LARGE1: variants seen among roughly 807,000 people sequenced by gnomAD.
The protein encoded by LARGE1 is LARGE xylosyl- and glucuronyltransferase 1, also known as xylosyl- and glucuronyltransferase LARGE1.
In LARGE1, 43 loss-of-function variants were observed where a neutral mutation model predicts 87.6. The ratio of observed to expected loss-of-function variants is 0.49; its 90% CI spans 0.38 to 0.63. The LOEUF (loss-of-function observed/expected upper bound fraction) is 0.63. Ranked by LOEUF, LARGE1 falls within the 30% of genes least tolerant of loss-of-function variation. LARGE1 has a pLI of 0.00. For synonymous variants in LARGE1, 434 were observed against 394.6 expected, an observed-to-expected ratio of 1.10 and a Z score of -1.18; for missense variants, 802 against 1,000.2, an observed-to-expected ratio of 0.80 and a Z score of 2.67.
intron 6 of LARGE1, among the ~76,000 whole-genome samples, chr22:33,483,751 AGGCAGGAAAGTGGGCCACT>A (rs1380724196): frequency 1.3e-5 from 2 of 152,180 alleles, no homozygotes; most frequent in African/African-American, 4.8e-5. Context: ...AAACTGATGG[AGGCAGGAAAGTGGGCCACT>A]GGCTTGTAGA....
At chr22:33,820,343 A>T (rs1485538035) in intron 1 of LARGE1, among the ~76,000 whole-genome samples, 1 of 152,056 alleles carries the variant, frequency 6.6e-6, no homozygotes, top group Non-Finnish European at 1.5e-5. Context: ...TTTTTTAGAG[A>T]CAGGGTCTCA....
chr22:33,875,087 A>G (rs1489790885), intron 1 of LARGE1, among the ~76,000 whole-genome samples: 1 of 152,168 alleles, frequency 6.6e-6, no homozygotes, highest in Non-Finnish European at 1.5e-5. Context: ...CTGCTCAACA[A>G]CTCACTCACT....
intron 9 of LARGE1, among the ~76,000 whole-genome samples, chr22:33,371,876 C>T (rs943624009): frequency 1.3e-5 from 2 of 151,214 alleles, no homozygotes; most frequent in East Asian, 1.9e-4. Flanking sequence ...CCCAGCTACT[C>T]GGGAGGCTGG....
chr22:33,911,057 T>C (rs984112732), intron 1 of LARGE1, among the ~76,000 whole-genome samples: 1 of 152,000 alleles, frequency 6.6e-6, no homozygotes, highest in African/African-American at 2.4e-5. Context: ...CCTCCCAGGG[T>C]TGCTGTGAGA....
intron 11 of LARGE1, among the ~76,000 whole-genome samples, chr22:33,250,149 G>T (rs1273649502): frequency 6.6e-6 from 1 of 152,120 alleles, no homozygotes; most frequent in African/African-American, 2.4e-5. Flanking sequence ...TGATAACATT[G>T]TCTTCCTATT....
At chr22:33,089,418 C>T in the LARGE1 span, among the ~76,000 whole-genome samples, 1 of 101,026 alleles carries the variant, frequency 9.9e-6, no homozygotes, top group South Asian at 3.2e-4. Context: ...TCTTCTACTT[C>T]TTCTTCCTCT....
chr22:33,747,004 G>A (rs1384884122), intron 2 of LARGE1, among the ~76,000 whole-genome samples: 1 of 152,160 alleles, frequency 6.6e-6, no homozygotes, highest in Non-Finnish European at 1.5e-5. Flanking sequence ...ATTCTGGGCT[G>A]TCTTGTTCAT....
intron 2 of LARGE1, among the ~76,000 whole-genome samples, chr22:33,748,206 A>ACT (rs964231751): frequency 2.2e-4 from 32 of 146,638 alleles, no homozygotes; most frequent in Middle Eastern, 7.1e-3. Flanking sequence ...ATCTCGGCTC[A>ACT]CTGCAATCTC....
At chr22:33,779,137 C>A (rs1307066378) in intron 1 of LARGE1, among the ~76,000 whole-genome samples, 1 of 152,182 alleles carries the variant, frequency 6.6e-6, no homozygotes, top group Non-Finnish European at 1.5e-5. Flanking sequence ...TTACCTAAAT[C>A]TCTTCGCTCT....
chr22:33,431,919 G>A (rs1474354854), intron 7 of LARGE1, among the ~76,000 whole-genome samples: 1 of 152,188 alleles, frequency 6.6e-6, no homozygotes, highest in Admixed American at 6.5e-5. Flanking sequence ...ATCTGGATTA[G>A]AGGTCAGGAG....
At chr22:33,087,403 T>C in the LARGE1 span, among the ~76,000 whole-genome samples, 4 of 152,118 alleles carry the variant, frequency 2.6e-5, no homozygotes, top group Non-Finnish European at 1.5e-5. Context: ...TGCATTGCTG[T>C]GTAGGAAAAA....
intron 7 of LARGE1, among the ~76,000 whole-genome samples, chr22:33,404,533 A>T (rs1044865785): frequency 6.6e-6 from 1 of 152,174 alleles, no homozygotes. Flanking sequence ...TGCTCCCACA[A>T]ACGAGCCTAT....
intron 6 of LARGE1, among the ~76,000 whole-genome samples, chr22:33,525,062 T>G (rs1336178945): frequency 6.6e-6 from 1 of 152,166 alleles, no homozygotes; most frequent in Non-Finnish European, 1.5e-5. Context: ...TTTAGCATCT[T>G]TCCATCAGGC....
intron 5 of LARGE1, among the ~76,000 whole-genome samples, chr22:33,593,040 C>T (rs762278366): frequency 2.0e-5 from 3 of 152,286 alleles, no homozygotes; most frequent in East Asian, 1.9e-4. Context: ...GGGGTTTCAC[C>T]GTGTTAGCCA....
chr22:33,689,056 A>T (rs2082021934), intron 2 of LARGE1, among the ~76,000 whole-genome samples: 1 of 152,056 alleles, frequency 6.6e-6, no homozygotes, highest in Non-Finnish European at 1.5e-5. Context: ...CCAGTAAATT[A>T]AAAGTTATAG....
intron 2 of LARGE1, among the ~76,000 whole-genome samples, chr22:33,665,545 T>A (rs371471537): frequency 3.3e-5 from 5 of 152,214 alleles, no homozygotes; most frequent in Admixed American, 2.6e-4. Context: ...TCATACATTA[T>A]CTTATATAGT....
chr22:33,738,846 A>AC (rs1341745795), intron 2 of LARGE1, among the ~76,000 whole-genome samples: 12 of 136,214 alleles, frequency 8.8e-5, no homozygotes, highest in Non-Finnish European at 1.6e-4. Context: ...CTCCGTCTCA[A>AC]AAAAAAAAAA....
chr22:33,233,067 T>C (rs1450110858), intron 11 of LARGE1, among the ~76,000 whole-genome samples: 1 of 152,188 alleles, frequency 6.6e-6, no homozygotes, highest in African/African-American at 2.4e-5. Flanking sequence ...TTTGAACTCA[T>C]TCAAATTCTC....
the LARGE1 span, among the ~76,000 whole-genome samples, chr22:33,152,313 T>C: frequency 1.3e-5 from 2 of 152,374 alleles, no homozygotes; most frequent in Admixed American, 1.3e-4. Context: ...TGGTGCTGGC[T>C]GGTGCTGACC....
Sources: gnomAD v4.1 joint callset for allele counts (sites outside exome capture counted in the v4.1 genomes callset) on GRCh38, gnomAD v4.1.1 for gene constraint, MANE v1.5 for transcripts, NCBI Gene and HGNC (gene_info 2026-07-23, HGNC 2026-07-21) for gene names.